Variants in HCN1 observed in about 807,000 individuals in gnomAD.
HCN1 encodes potassium/sodium hyperpolarization-activated cyclic nucleotide-gated channel 1.
HCN1 carries 13 observed loss-of-function variants against 78.9 expected under a neutral mutation model. That is an observed-to-expected ratio of 0.16 (90% CI 0.11 to 0.26). The LOEUF (loss-of-function observed/expected upper bound fraction) is 0.26, where lower values mean the gene tolerates loss of function less well. HCN1 is among the 10% of genes least tolerant of loss of function. The pLI, the probability that HCN1 is intolerant of heterozygous loss-of-function variation, is 1.00. For missense variants in HCN1, 810 were observed against 1,154.3 expected (o/e 0.70, Z 4.32); for synonymous variants, 552 against 455.5 (o/e 1.21, Z -2.70).
At chr5:45,638,376 G>C (rs1745393972) in intron 2 of HCN1, among the ~76,000 whole-genome samples, 2 of 152,106 alleles carry the variant, frequency 1.3e-5, no homozygotes, top group South Asian at 4.1e-4. Context: ...CAAGAAAACA[G>C]ATTGGGACAA....
intron 3 of HCN1, among the ~76,000 whole-genome samples, chr5:45,397,074 A>G (rs1454943714): frequency 6.6e-6 from 1 of 152,174 alleles, no homozygotes; most frequent in Non-Finnish European, 1.5e-5. Flanking sequence ...TTTGCAAGCT[A>G]TGAAATGCAG....
chr5:45,379,932 G>C (rs977660985), intron 4 of HCN1, among the ~76,000 whole-genome samples: 3 of 151,468 alleles, frequency 2.0e-5, no homozygotes, highest in Non-Finnish European at 4.4e-5. Flanking sequence ...ACAAAATAAA[G>C]AGAAAAAAAG....
At chr5:45,685,654 G>T (rs1739790658) in intron 1 of HCN1, among the ~76,000 whole-genome samples, 2 of 152,046 alleles carry the variant, frequency 1.3e-5, no homozygotes, top group Admixed American at 1.3e-4. Context: ...AGAGGTTGCG[G>T]TGAGCCAACA....
intron 1 of HCN1, among the ~76,000 whole-genome samples, chr5:45,667,688 CTT>C (rs1746076240): frequency 6.6e-6 from 1 of 151,944 alleles, no homozygotes; most frequent in Non-Finnish European, 1.5e-5. Flanking sequence ...TGAATTAAAA[CTT>C]GATGAAATCT....
chr5:45,492,797 C>T (rs1178460133), intron 2 of HCN1, among the ~76,000 whole-genome samples: 1 of 152,096 alleles, frequency 6.6e-6, no homozygotes, highest in African/African-American at 2.4e-5. Context: ...TGTTACATTA[C>T]ATTTTAACAC....
At chr5:45,532,490 T>C (rs1415468923) in intron 2 of HCN1, among the ~76,000 whole-genome samples, 2 of 152,204 alleles carry the variant, frequency 1.3e-5, no homozygotes, top group African/African-American at 4.8e-5. Context: ...ATAAGAATCA[T>C]TTACAGTCAA....
At chr5:45,351,163 G>T (rs1579832327) in intron 5 of HCN1, among the ~76,000 whole-genome samples, 2 of 152,172 alleles carry the variant, frequency 1.3e-5, no homozygotes, top group South Asian at 4.1e-4. Flanking sequence ...GCATGGTACT[G>T]ATACCAAAAC....
intron 2 of HCN1, among the ~76,000 whole-genome samples, chr5:45,583,877 A>T (rs1395029412): frequency 3.3e-5 from 5 of 151,926 alleles, no homozygotes; most frequent in African/African-American, 1.2e-4. Flanking sequence ...TGATTGCAAA[A>T]TCTGTGGTCT....
At chr5:45,694,522 C>T (rs991184968) in intron 1 of HCN1, among the ~76,000 whole-genome samples, 2 of 152,186 alleles carry the variant, frequency 1.3e-5, no homozygotes, top group African/African-American at 4.8e-5. Flanking sequence ...TAAACTAACT[C>T]CAAGGCTGCT....
At chr5:45,621,615 A>G (rs1458600234) in intron 2 of HCN1, among the ~76,000 whole-genome samples, 3 of 152,224 alleles carry the variant, frequency 2.0e-5, no homozygotes, top group Non-Finnish European at 4.4e-5. Context: ...TCAGAGGACA[A>G]TTAGTAAAAC....
At chr5:45,348,756 A>G (rs1746810160) in intron 5 of HCN1, among the ~76,000 whole-genome samples, 1 of 152,232 alleles carries the variant, frequency 6.6e-6, no homozygotes, top group African/African-American at 2.4e-5. Flanking sequence ...TAAACCAACA[A>G]AGATCAAAAG....
chr5:45,366,148 T>C (rs906600905), intron 4 of HCN1, among the ~76,000 whole-genome samples: 2 of 149,688 alleles, frequency 1.3e-5, no homozygotes, highest in African/African-American at 5.0e-5. Flanking sequence ...CACTGATTGT[T>C]GTTACATTAT....
intron 7 of HCN1, among the ~76,000 whole-genome samples, chr5:45,264,119 A>G (rs1189322687): frequency 6.6e-6 from 1 of 152,208 alleles, no homozygotes; most frequent in African/African-American, 2.4e-5. Context: ...AAATGCAGCC[A>G]AGACTGAGAC....
intron 2 of HCN1, among the ~76,000 whole-genome samples, chr5:45,493,622 T>C (rs1009894603): frequency 8.6e-5 from 13 of 151,954 alleles, no homozygotes; most frequent in African/African-American, 3.1e-4. Flanking sequence ...TATTATACTT[T>C]AAGTTTTAGG....
intron 4 of HCN1, among the ~76,000 whole-genome samples, chr5:45,371,062 C>A (rs1396410740): frequency 1.3e-5 from 2 of 151,830 alleles, no homozygotes; most frequent in East Asian, 1.9e-4. Flanking sequence ...AAACTGTGGA[C>A]AATGAGAATT....
intron 5 of HCN1, among the ~76,000 whole-genome samples, chr5:45,323,512 A>G (rs1746168227): frequency 6.6e-6 from 1 of 151,894 alleles, no homozygotes; most frequent in Admixed American, 6.6e-5. Flanking sequence ...ACCTTTATTA[A>G]TTTAGAAAGA....
At chr5:45,664,346 T>C (rs1301726774) in intron 1 of HCN1, among the ~76,000 whole-genome samples, 3 of 141,730 alleles carry the variant, frequency 2.1e-5, no homozygotes, top group Admixed American at 7.2e-5. Context: ...TTGGGAGATA[T>C]ACCTAATGCT....
At chr5:45,658,918 G>A (rs905947133) in intron 1 of HCN1, among the ~76,000 whole-genome samples, 1 of 144,966 alleles carries the variant, frequency 6.9e-6, no homozygotes, top group African/African-American at 2.5e-5. Flanking sequence ...GGTAAACAAA[G>A]CAGCCGGGAA....
intron 2 of HCN1, among the ~76,000 whole-genome samples, chr5:45,550,913 A>G (rs1743354683): frequency 6.6e-6 from 1 of 151,970 alleles, no homozygotes; most frequent in Non-Finnish European, 1.5e-5. Context: ...CATTCATAAA[A>G]TCACAGCTGC....
Sources: gnomAD v4.1 joint callset for allele counts (sites outside exome capture counted in the v4.1 genomes callset) on GRCh38, gnomAD v4.1.1 for gene constraint, MANE v1.5 for transcripts, NCBI Gene and HGNC (gene_info 2026-07-23, HGNC 2026-07-21) for gene names.